PCNX2: variants seen among roughly 807,000 people sequenced by gnomAD.
PCNX2 encodes pecanex-like protein 2.
In PCNX2, 168 loss-of-function variants were observed where a neutral mutation model predicts 223.8. That is an observed-to-expected ratio of 0.75 (90% CI 0.66 to 0.85). The LOEUF is 0.85. PCNX2 is among the 40% of genes least tolerant of loss of function. PCNX2 has a pLI of 0.00. For missense variants in PCNX2, 2,507 were observed against 2,675.5 expected (o/e 0.94, Z 1.39); for synonymous variants, 1,006 against 1,052.6 (o/e 0.96, Z 0.86).
chr1:233,288,596 A>G (rs972387371), intron 1 of PCNX2, among the ~76,000 whole-genome samples: 8 of 152,160 alleles, frequency 5.3e-5, no homozygotes, highest in South Asian at 2.1e-4. Flanking sequence ...ATAATTATCA[A>G]TTTGAAAAGA....
rs1457876027 is a variant in PCNX2 at position 233,000,425 on chromosome 1, C to G, written c.5208G>C (p.Arg1736=). The G allele has an allele frequency of 6.2e-7, 1 of 1,603,104 alleles. No individual in the cohort carries two copies. The highest frequency in any genetic ancestry group is 8.5e-7 in the Non-Finnish European group (1 of 1,173,424). Residue 1736 remains arginine, a synonymous_variant, in exon 30 of 34, where the codon CGG becomes CGC. Transcript: ENST00000258229. The surrounding 1 kb of genome is among the most constrained non-coding windows in gnomAD (Gnocchi z 4.6). ...CTTCCTTGTTGGACAGCACTGCGCCCCGCCAGGCCGGGTCGCCCTCGTGGC... is the reference window on the plus strand; with the variant it reads ...CTTCCTTGTTGGACAGCACTGCGCCGCGCCAGGCCGGGTCGCCCTCGTGGC... ...VICHEGDPAW[R]GAVLSNKEEL...
Position 233,126,543 on chromosome 1 carries a change from A to G in PCNX2, c.3837+8470T>C, listed in dbSNP as rs939573545. Among the ~76,000 whole-genome samples, 48 of 151,950 alleles carry G rather than the reference A, an allele frequency of 3.2e-4. No individual in the cohort carries two copies. Among genetic ancestry groups the G allele is most frequent in the African/African-American group, 1.1e-3 (47 of 41,364 alleles). ...TGTGTGTGTGTGTGTGTGTGTAAAT[A>G]TACCAGAGGACTGGGAGGATTTATT... is the stretch of plus-strand genomic sequence containing the variant. On this transcript the variant is annotated intron_variant, in intron 21 of 33. Transcript: ENST00000258229. The surrounding 1 kb of genome is among the most constrained non-coding windows in gnomAD (Gnocchi z 4.8).
chr1:233,057,181 T>A, intron 24 of PCNX2, 51 bp downstream of exon 24: 1 of 1,408,628 alleles, frequency 7.1e-7, no homozygotes, highest in Non-Finnish European at 9.9e-7. Flanking sequence ...CTTTTGAGAA[T>A]CCATCCATAC....
chr1:232,993,519 A>G (rs1430948187), intron 32 of PCNX2, among the ~76,000 whole-genome samples: 1 of 152,226 alleles, frequency 6.6e-6, no homozygotes, highest in African/African-American at 2.4e-5. Flanking sequence ...AAGGAAGCAG[A>G]GTATAAAGGT....
chr1:233,141,664 C>A (rs541815807), intron 19 of PCNX2, among the ~76,000 whole-genome samples: 1 of 151,984 alleles, frequency 6.6e-6, no homozygotes, highest in South Asian at 2.1e-4. Flanking sequence ...CAGAGAGAGA[C>A]TCCATCTCAG....
At chr1:233,166,174 A>T (rs114419189) in intron 17 of PCNX2, among the ~76,000 whole-genome samples, 10,578 of 152,052 alleles carry the variant, frequency 0.07, 578 homozygotes, top group East Asian at 0.31. Context: ...GGAATAGCCA[A>T]CTATAAAAAT....
intron 28 of PCNX2, among the ~76,000 whole-genome samples, chr1:233,011,667 C>T (rs1182786570): frequency 6.6e-6 from 1 of 151,998 alleles, no homozygotes; most frequent in Non-Finnish European, 1.5e-5. Context: ...GTTCTGGGAG[C>T]TTCTAGAGAG....
chr1:233,205,668 T>C (rs1254643643), intron 13 of PCNX2, among the ~76,000 whole-genome samples: 1 of 151,448 alleles, frequency 6.6e-6, no homozygotes, highest in East Asian at 1.9e-4. Context: ...TGCACTCTAC[T>C]GAGCAACAGA....
chr1:233,258,255 C>T lies in PCNX2; in HGVS notation c.1607G>A (p.Gly536Glu), dbSNP rs1266587165. The part of the protein sequence containing the change: ...RHARVLSVDS[G>E]TDVFLSKSSA... ...ACTTTTACTCAAGAAGACATCTGTC[C>T]CACTGTCCACACTGAGCACCCGGGC... Residue 536 changes from glycine to glutamate, a missense_variant, in exon 5 of 34, where the codon GGG (glycine) becomes GAG (glutamate). By Grantham distance (98) the Gly-to-Glu change is moderately conservative (BLOSUM62 -2). This residue lies in a region of PCNX2 where 1,031 missense variants were observed against 1,021.7 expected (regional missense o/e 1.01). Transcript: ENST00000258229. 2.5e-6 allele frequency: 4 copies of T among 1,613,854 alleles called. No individual in the cohort carries two copies. The highest frequency in any genetic ancestry group is 2.7e-5 in the African/African-American group (2 of 74,912).
Position 233,001,717 on chromosome 1 carries a change from T to C in PCNX2, c.4953-36A>G. The C allele has an allele frequency of 6.7e-7, 1 of 1,495,228 alleles. No individual in the cohort carries two copies. Among genetic ancestry groups the C allele is most frequent in the Non-Finnish European group, 9.0e-7 (1 of 1,112,606 alleles). The allele number at this position is 1,495,228 out of a possible 1,614,324, so 92.6% of individuals were successfully genotyped here. A position where few individuals can be genotyped will look rare whatever the true frequency, so the allele number is the denominator to read the frequency against. On this transcript the variant is annotated intron_variant, in intron 28 of 33. Coordinates refer to ENST00000258229, the MANE Select transcript of PCNX2 (RefSeq NM_014801.4). The surrounding 1 kb of genome is among the most constrained non-coding windows in gnomAD (Gnocchi z 4.2). ...AAGTCCTATTACTATGGAACAAATT[T>C]CAGAATCCTGTCATTGTGAGCAAAG...
intron 9 of PCNX2, among the ~76,000 whole-genome samples, chr1:233,230,326 T>C (rs1657989807): frequency 6.6e-6 from 1 of 152,162 alleles, no homozygotes; most frequent in Non-Finnish European, 1.5e-5. Flanking sequence ...GGGGCTTGCG[T>C]AAGTGAGGAC....
chr1:233,193,838 G>A (rs1224896828), intron 15 of PCNX2, among the ~76,000 whole-genome samples: 1 of 151,988 alleles, frequency 6.6e-6, no homozygotes, highest in Non-Finnish European at 1.5e-5. Context: ...TTCAAGATAG[G>A]TCAGTAAAAT....
intron 21 of PCNX2, among the ~76,000 whole-genome samples, chr1:233,102,487 T>C (rs11580772): frequency 6.6e-6 from 1 of 152,046 alleles, no homozygotes; most frequent in Admixed American, 6.5e-5. Flanking sequence ...ATTCATTCAC[T>C]TTCCCGCCAA....
chr1:233,248,593 T>C (rs1184536762), intron 8 of PCNX2, among the ~76,000 whole-genome samples: 1 of 152,054 alleles, frequency 6.6e-6, no homozygotes, highest in Non-Finnish European at 1.5e-5. Flanking sequence ...AATCTGAACC[T>C]CTTTATCTAG....
intron 19 of PCNX2, 122 bp downstream of exon 19, chr1:233,160,161 G>T: frequency 9.4e-7 from 1 of 1,063,946 alleles, no homozygotes; most frequent in Non-Finnish European, 1.3e-6. Flanking sequence ...TGTACCATCT[G>T]CCATTTTCAA....
At chr1:233,170,429 C>G (rs1679081041) in intron 17 of PCNX2, among the ~76,000 whole-genome samples, 1 of 151,992 alleles carries the variant, frequency 6.6e-6, no homozygotes, top group African/African-American at 2.4e-5. Flanking sequence ...GGTTTTTGGC[C>G]ATTTATATTT....
intron 28 of PCNX2, among the ~76,000 whole-genome samples, chr1:233,005,710 C>A (rs1670260182): frequency 6.6e-6 from 1 of 152,182 alleles, no homozygotes; most frequent in Non-Finnish European, 1.5e-5. Context: ...CTGTGACAAG[C>A]CAAGCGGGGG....
At chr1:233,313,166 G>T in the PCNX2 span, among the ~76,000 whole-genome samples, 1 of 152,228 alleles carries the variant, frequency 6.6e-6, no homozygotes, top group Non-Finnish European at 1.5e-5. Flanking sequence ...AACTTAATTT[G>T]CTATGACAGG....
rs1669343196 is a variant in PCNX2, at chr1:232,983,638, T to A, written c.*666A>T. ...CACCGAATGGACTCAGTTTCTAAAC[T>A]CACATCCTAACGTATCCTGGCTTTT... On this transcript the variant is annotated 3_prime_UTR_variant, in exon 34 of 34. Coordinates refer to ENST00000258229, the MANE Select transcript of PCNX2 (RefSeq NM_014801.4). The A allele has an allele frequency of 6.6e-6, 1 of 152,168 alleles. No individual in the cohort carries two copies. The highest frequency in any genetic ancestry group is 1.5e-5 in the Non-Finnish European group (1 of 68,044). 9.4% of individuals were successfully genotyped at this position (152,168 alleles called of 1,614,324 possible).
Sources: allele counts gnomAD v4.1 joint callset (sites outside exome capture counted in the v4.1 genomes callset), GRCh38; gene constraint gnomAD v4.1.1; regional missense constraint gnomAD v4.1.1; non-coding constraint Gnocchi (gnomAD v3.1); transcripts MANE v1.5; gene names NCBI Gene and HGNC (gene_info 2026-07-23, HGNC 2026-07-21).